The following CTNNA2 variants were observed in gnomAD, a reference collection of about 807,000 sequenced individuals.
CTNNA2 encodes catenin alpha 2.
CTNNA2 carries 42 observed loss-of-function variants against 101.0 expected under a neutral mutation model. The ratio of observed to expected loss-of-function variants is 0.42; its 90% CI spans 0.32 to 0.54. The LOEUF (loss-of-function observed/expected upper bound fraction) is 0.54. Ranked by LOEUF, CTNNA2 falls within the 20% of genes least tolerant of loss-of-function variation. The pLI is 0.14. For synonymous variants in CTNNA2, 450 were observed against 456.4 expected (o/e 0.99, Z 0.18); for missense variants, 871 against 1,223.1 (o/e 0.71, Z 4.29).
In CTNNA2 at chr2:79,835,679, T is replaced by G. The variant is rs941928269; in HGVS notation, c.299-22334T>G. On this transcript the variant is annotated intron_variant, in intron 3 of 18. Coordinates refer to ENST00000402739, the MANE Select transcript of CTNNA2 (RefSeq NM_001282597.3). ...TGGCCTCTCTTTGTTTTTTTTTTTT[T>G]TTTTTTTTTTTTTTTTTTTTTTTTG... 9.0e-4 allele frequency among the ~76,000 whole-genome samples: 64 copies of G among 70,822 alleles called. 1 individual carries two copies. Among genetic ancestry groups the G allele is most frequent in the African/African-American group, 3.4e-3 (58 of 17,018 alleles). 46.5% of individuals were successfully genotyped at this position (70,822 alleles called of 152,430 possible).
intron 7 of CTNNA2, among the ~76,000 whole-genome samples, chr2:79,938,752 AT>A (rs1052121771): frequency 3.8e-4 from 58 of 152,318 alleles, no homozygotes; most frequent in African/African-American, 1.4e-3. Flanking sequence ...TTAGGGCACA[AT>A]GTGTAGTAAT....
At chr2:79,664,846 G>C (rs971175149) in intron 2 of CTNNA2, among the ~76,000 whole-genome samples, 6 of 151,286 alleles carry the variant, frequency 4.0e-5, no homozygotes, top group Admixed American at 1.3e-4. Context: ...CAAGTAGCTG[G>C]GACTACAGGC....
chr2:79,209,396 T>C (rs1425983449), intron 2 of CTNNA2, among the ~76,000 whole-genome samples: 1 of 152,234 alleles, frequency 6.6e-6, no homozygotes, highest in East Asian at 1.9e-4. Flanking sequence ...AACAGTTTTG[T>C]CTCCACATGC....
intron 2 of CTNNA2, among the ~76,000 whole-genome samples, chr2:79,662,518 A>G (rs12614786): frequency 0.33 from 49,741 of 151,958 alleles, 8,835 homozygotes; most frequent in East Asian, 0.7. Context: ...GCTTTTAACT[A>G]TTTTGGACAA....
intron 4 of CTNNA2, among the ~76,000 whole-genome samples, chr2:79,446,154 G>T (rs1293567155): frequency 6.6e-6 from 1 of 151,976 alleles, no homozygotes; most frequent in Non-Finnish European, 1.5e-5. Context: ...AGGTCCCTGA[G>T]ATCGGAGAAA....
chr2:80,439,506 C>T (rs1205901219), intron 9 of CTNNA2, among the ~76,000 whole-genome samples: 1 of 152,132 alleles, frequency 6.6e-6, no homozygotes. Flanking sequence ...TCAAGCAATT[C>T]TCCTGTCTCA....
chr2:80,064,137 A>G (rs1265120491), intron 7 of CTNNA2, among the ~76,000 whole-genome samples: 1 of 152,258 alleles, frequency 6.6e-6, no homozygotes, highest in Non-Finnish European at 1.5e-5. Context: ...TTTGTTGCCC[A>G]GTCTTCCATG....
chr2:79,311,259 A>G (rs961985473), intron 2 of CTNNA2, among the ~76,000 whole-genome samples: 1 of 151,934 alleles, frequency 6.6e-6, no homozygotes, highest in Non-Finnish European at 1.5e-5. Flanking sequence ...AATACAAAAA[A>G]TTAGCCCGGC....
At chr2:79,369,155 G>A (rs532475714) in intron 3 of CTNNA2, among the ~76,000 whole-genome samples, 1 of 152,224 alleles carries the variant, frequency 6.6e-6, no homozygotes, top group Non-Finnish European at 1.5e-5. Context: ...GAGTGGAGAA[G>A]GTAGAATGTG....
chr2:80,108,256 C>A (rs1053553007), intron 7 of CTNNA2, among the ~76,000 whole-genome samples: 3 of 152,174 alleles, frequency 2.0e-5, no homozygotes, highest in Admixed American at 6.5e-5. Context: ...TCTCCACTGA[C>A]CTACCTAAGA....
At chr2:79,201,616 A>G (rs781139054) in intron 2 of CTNNA2, among the ~76,000 whole-genome samples, 7 of 152,098 alleles carry the variant, frequency 4.6e-5, no homozygotes, top group Non-Finnish European at 1.0e-4. Context: ...AATATTGACC[A>G]GATTTTGGGA....
At chr2:79,248,544 T>C (rs1297465734) in intron 2 of CTNNA2, among the ~76,000 whole-genome samples, 2 of 152,126 alleles carry the variant, frequency 1.3e-5, no homozygotes, top group Non-Finnish European at 2.9e-5. Flanking sequence ...GGGGCTACCA[T>C]ATTGAGGAGT....
At chr2:79,943,189 C>A (rs1258968954) in intron 7 of CTNNA2, among the ~76,000 whole-genome samples, 1 of 152,072 alleles carries the variant, frequency 6.6e-6, no homozygotes, top group Non-Finnish European at 1.5e-5. Flanking sequence ...TGTATTCCAG[C>A]CTGGGCAACA....
intron 3 of CTNNA2, among the ~76,000 whole-genome samples, chr2:79,806,649 C>T (rs1042348111): frequency 6.6e-6 from 1 of 151,948 alleles, no homozygotes; most frequent in Non-Finnish European, 1.5e-5. Flanking sequence ...CTGCGACTGC[C>T]CCAGTCTCCC....
intron 17 of CTNNA2, among the ~76,000 whole-genome samples, chr2:80,618,532 A>G (rs1210874464): frequency 1.3e-5 from 2 of 151,898 alleles, no homozygotes; most frequent in Non-Finnish European, 2.9e-5. Flanking sequence ...AAGAGTTGCA[A>G]TTGTAGCAAC....
intron 7 of CTNNA2, among the ~76,000 whole-genome samples, chr2:80,235,657 A>G (rs1178489314): frequency 6.6e-6 from 1 of 152,198 alleles, no homozygotes; most frequent in African/African-American, 2.4e-5. Context: ...GAAAACCCAG[A>G]GGAGCCCTGC....
intron 7 of CTNNA2, among the ~76,000 whole-genome samples, chr2:79,947,823 G>C (rs1461266679): frequency 6.6e-6 from 1 of 152,162 alleles, no homozygotes; most frequent in East Asian, 1.9e-4. Flanking sequence ...AAAGAAAGGG[G>C]CAAGGAGAGG....
At chr2:79,502,377 T>C (rs1671330065) in intron 4 of CTNNA2, among the ~76,000 whole-genome samples, 1 of 152,184 alleles carries the variant, frequency 6.6e-6, no homozygotes, top group South Asian at 2.1e-4. Context: ...GTACAACTTC[T>C]TGGCATAAAA....
chr2:80,141,439 G>T (rs1196466016), intron 7 of CTNNA2, among the ~76,000 whole-genome samples: 1 of 151,922 alleles, frequency 6.6e-6, no homozygotes, highest in Non-Finnish European at 1.5e-5. Flanking sequence ...GAAAACTTGG[G>T]GCATATTGTG....
Sources: gnomAD v4.1 joint callset for allele counts (sites outside exome capture counted in the v4.1 genomes callset) on GRCh38, gnomAD v4.1.1 for gene constraint, MANE v1.5 for transcripts, NCBI Gene and HGNC (gene_info 2026-07-23, HGNC 2026-07-21) for gene names.